ZBTB20: variants seen among roughly 807,000 people sequenced by gnomAD.
The protein encoded by ZBTB20 is zinc finger and BTB domain containing 20, also known as zinc finger and BTB domain-containing protein 20.
Under a neutral mutation model 56.9 loss-of-function variants are expected in ZBTB20, and 9 were observed. That is an observed-to-expected ratio of 0.16 (90% CI 0.10 to 0.28). The LOEUF (loss-of-function observed/expected upper bound fraction) is 0.28, where lower values mean the gene tolerates loss of function less well. Among genes scored for constraint, ZBTB20 ranks in the 10% least tolerant of loss-of-function variants. The pLI is 1.00. For missense variants in ZBTB20, 655 were observed against 1,003.0 expected (o/e 0.65, Z 4.69); for synonymous variants, 417 against 420.7 (o/e 0.99, Z 0.11).
chr3:114,322,770 T>C lies in ZBTB20; in HGVS notation c.*16235A>G, dbSNP rs1442971023. The C allele has an allele frequency of 6.6e-6, 1 of 152,208 alleles. No homozygotes were observed. Among genetic ancestry groups the C allele is most frequent in the African/African-American group, 2.4e-5 (1 of 41,456 alleles). 9.4% of individuals were successfully genotyped at this position (152,208 alleles called of 1,614,324 possible). A position where few individuals can be genotyped will look rare whatever the true frequency, so the allele number is the denominator to read the frequency against. The stretch of plus-strand genomic sequence containing the variant: ...TTATGCTAGTTTGGATGGCTCTAAA[T>C]GGAGTTTTTCTGACTAACAAGGCTG... On this transcript the variant is annotated 3_prime_UTR_variant, in exon 12 of 12. Transcript: ENST00000675478.
intron 2 of ZBTB20, among the ~76,000 whole-genome samples, chr3:115,065,519 T>C (rs1182521249): frequency 1.3e-5 from 2 of 152,176 alleles, no homozygotes; most frequent in African/African-American, 4.8e-5. Flanking sequence ...GATTTATATA[T>C]TTTTTAGTCT....
chr3:114,995,458 T>A (rs949145828), intron 2 of ZBTB20, among the ~76,000 whole-genome samples: 5 of 151,880 alleles, frequency 3.3e-5, no homozygotes, highest in African/African-American at 1.2e-4. Flanking sequence ...CCTGCTTTTC[T>A]AGTTTCCATT....
At chr3:115,036,666 G>A (rs1239676147) in intron 2 of ZBTB20, among the ~76,000 whole-genome samples, 2 of 152,122 alleles carry the variant, frequency 1.3e-5, no homozygotes, top group East Asian at 1.9e-4. Context: ...GCCTGCCTCG[G>A]CCTCCCAAAG....
chr3:114,918,198 A>G (rs75054760), intron 3 of ZBTB20, among the ~76,000 whole-genome samples: 2,334 of 152,082 alleles, frequency 0.015, 49 homozygotes, highest in African/African-American at 0.052. Context: ...TCAAGACCCA[A>G]AGGTTCTTCA....
intron 5 of ZBTB20, among the ~76,000 whole-genome samples, chr3:114,741,388 C>G (rs890537821): frequency 6.6e-6 from 1 of 151,858 alleles, no homozygotes; most frequent in Admixed American, 6.6e-5. Flanking sequence ...TTCTGTCCAC[C>G]CAAAAACATA....
chr3:114,688,617 T>C (rs986818119), intron 6 of ZBTB20, among the ~76,000 whole-genome samples: 3 of 152,188 alleles, frequency 2.0e-5, no homozygotes, highest in Non-Finnish European at 4.4e-5. Context: ...TCCTGTTTTA[T>C]GTGCAATGTG....
At chr3:114,684,735 T>C (rs953608581) in intron 6 of ZBTB20, 1 of 151,798 alleles carries the variant, frequency 6.6e-6, no homozygotes, top group Admixed American at 6.6e-5. Context: ...AGGAGAGGAG[T>C]TGATAAACCC....
At chr3:114,716,372 T>A (rs1215085279) in intron 5 of ZBTB20, among the ~76,000 whole-genome samples, 1 of 152,134 alleles carries the variant, frequency 6.6e-6, no homozygotes, top group Non-Finnish European at 1.5e-5. Flanking sequence ...ACCAGCGATA[T>A]TATTAATCTT....
chr3:114,377,973 C>T (rs1426257248), intron 10 of ZBTB20, among the ~76,000 whole-genome samples: 1 of 152,068 alleles, frequency 6.6e-6, no homozygotes, highest in Non-Finnish European at 1.5e-5. Context: ...GTTAAAGAGA[C>T]TAACAAGTCA....
At chr3:115,083,021 T>C (rs1304266166) in intron 1 of ZBTB20, among the ~76,000 whole-genome samples, 4 of 152,016 alleles carry the variant, frequency 2.6e-5, no homozygotes, top group African/African-American at 4.8e-5. Context: ...ATTCTACTTA[T>C]ACTAAGAACA....
intron 4 of ZBTB20, among the ~76,000 whole-genome samples, chr3:114,870,847 T>C (rs763347880): frequency 6.6e-6 from 1 of 152,074 alleles, no homozygotes; most frequent in Non-Finnish European, 1.5e-5. Flanking sequence ...CCATCCCTTC[T>C]ATCCCTTATG....
rs980026449 is a variant in ZBTB20, at chr3:114,830,711, A to G, written c.-416-29537T>C. 2.6e-5 allele frequency among the ~76,000 whole-genome samples: 4 copies of G among 151,978 alleles called. No homozygotes were observed. In the East Asian group the frequency reaches 5.8e-4, roughly 22 times the overall value. On this transcript the variant is annotated intron_variant, in intron 4 of 11. Coordinates refer to ENST00000675478, the MANE Select transcript of ZBTB20 (RefSeq NM_001348800.3). The stretch of plus-strand genomic sequence containing the variant: ...TAACTTGACTAAATTCTTGCAGCAA[A>G]TAAGTGATCGTGCCAGGATTCAAAG...
intron 1 of ZBTB20, among the ~76,000 whole-genome samples, chr3:115,096,134 C>G (rs761385413): frequency 6.6e-6 from 1 of 152,098 alleles, no homozygotes; most frequent in Admixed American, 6.6e-5. Context: ...AAATGTCTTA[C>G]ACAGTATGAA....
At chr3:114,931,838 T>C (rs1167075231) in intron 3 of ZBTB20, among the ~76,000 whole-genome samples, 1 of 152,182 alleles carries the variant, frequency 6.6e-6, no homozygotes, top group Non-Finnish European at 1.5e-5. Context: ...TTCAAAAATG[T>C]CAACCAACTG....
At chr3:114,844,520 CAAAAAAAAA>C (rs71146342) in intron 4 of ZBTB20, among the ~76,000 whole-genome samples, 105 of 22,802 alleles carry the variant, frequency 4.6e-3, no homozygotes, top group Admixed American at 0.012. Flanking sequence ...GTCCCTGTCT[CAAAAAAAAA>C]AAAAAAAAAA....
intron 5 of ZBTB20, among the ~76,000 whole-genome samples, chr3:114,763,908 T>C (rs772034074): frequency 8.5e-4 from 130 of 152,292 alleles, no homozygotes; most frequent in Admixed American, 1.7e-3. Flanking sequence ...GAGGAATTGA[T>C]TTTAAAATAT....
intron 4 of ZBTB20, among the ~76,000 whole-genome samples, chr3:114,836,730 C>T (rs141174916): frequency 3.7e-4 from 57 of 152,268 alleles, no homozygotes; most frequent in African/African-American, 1.0e-3. Context: ...TCTGCTATCA[C>T]GAACAAAAAT....
chr3:114,655,548 G>A (rs2060364051), intron 6 of ZBTB20, among the ~76,000 whole-genome samples: 4 of 152,060 alleles, frequency 2.6e-5, no homozygotes, highest in South Asian at 4.1e-4. Flanking sequence ...CACCGCGCCC[G>A]GCCTTCCTTT....
intron 2 of ZBTB20, among the ~76,000 whole-genome samples, chr3:115,005,502 T>C (rs1329828791): frequency 1.3e-5 from 2 of 151,800 alleles, no homozygotes; most frequent in Non-Finnish European, 1.5e-5. Context: ...ATAAGTTATT[T>C]GTAAAGAACT....
Sources: allele counts gnomAD v4.1 joint callset (sites outside exome capture counted in the v4.1 genomes callset), GRCh38; gene constraint gnomAD v4.1.1; transcripts MANE v1.5; gene names NCBI Gene and HGNC (gene_info 2026-07-23, HGNC 2026-07-21).